Variants in STK32B observed in about 807,000 individuals in gnomAD.
The protein encoded by STK32B is serine/threonine kinase 32B.
STK32B carries 43 observed loss-of-function variants against 52.6 expected under a neutral mutation model. That is an observed-to-expected ratio of 0.82 (90% CI 0.64 to 1.05). STK32B has a LOEUF of 1.05. STK32B is among the 50% of genes least tolerant of loss of function. STK32B has a pLI of 0.00. For missense variants in STK32B, 621 were observed against 534.6 expected, an observed-to-expected ratio of 1.16 and a Z score of -1.59; for synonymous variants, 238 against 204.3, an observed-to-expected ratio of 1.17 and a Z score of -1.41.
chr4:5,168,043 T>G (rs866963248), intron 2 of STK32B, among the ~76,000 whole-genome samples: 4 of 152,168 alleles, frequency 2.6e-5, no homozygotes, highest in African/African-American at 9.6e-5. Flanking sequence ...ATCTTCTGTG[T>G]TTGCATCTCC....
At position 5,159,709 on chromosome 4, in the gene STK32B, ATATATATGAATG is replaced by A. The variant is rs1366121948; in HGVS notation, c.109-8584_109-8573del. 2.7e-3 allele frequency among the ~76,000 whole-genome samples: 268 copies of A among 100,674 alleles called. 38 individuals are homozygous for A. Among genetic ancestry groups the A allele is most frequent in the African/African-American group, 0.016 (244 of 15,594 alleles). The allele number at this position is 100,674 out of a possible 152,430, so 66.0% of individuals were successfully genotyped here. On this transcript the variant is annotated intron_variant, in intron 2 of 11. Coordinates refer to ENST00000282908, the MANE Select transcript of STK32B (RefSeq NM_018401.3). Reference sequence around the variant, plus strand: ...TGAATATATATGAATATATATGAATATATATATGAATGTATATGAATATATATATGAATATAT... The same window carrying A: ...TGAATATATATGAATATATATGAATATATATGAATATATATATGAATATAT...
chr4:5,275,527 G>T (rs111535077), intron 3 of STK32B, among the ~76,000 whole-genome samples: 65 of 152,114 alleles, frequency 4.3e-4, no homozygotes, highest in African/African-American at 1.5e-3. Flanking sequence ...ATCGTTTCCC[G>T]TCTTCACCAT....
intron 4 of STK32B, among the ~76,000 whole-genome samples, chr4:5,385,676 C>T (rs16837079): frequency 0.046 from 7,062 of 152,148 alleles, 443 homozygotes; most frequent in Admixed American, 0.18. Context: ...ATCTCCAGGT[C>T]GTTTGTTGCA....
intron 3 of STK32B, among the ~76,000 whole-genome samples, chr4:5,188,948 C>T (rs1720963082): frequency 1.3e-5 from 2 of 151,638 alleles, no homozygotes; most frequent in African/African-American, 4.9e-5. Context: ...ACCAACATGG[C>T]ACATGTATAC....
At position 5,470,111 on chromosome 4, in the gene STK32B, T is replaced by C. The variant is rs528133536; in HGVS notation, c.1106+2041T>C. Among the ~76,000 whole-genome samples the C allele has an allele frequency of 1.3e-5, 2 of 152,332 alleles. No homozygotes were observed. The highest frequency in any genetic ancestry group is 2.1e-4 in the South Asian group (1 of 4,826). ...CAGAACATGCTTCAATTTGGATTCT[T>C]CCTTTTAAAAGGAAGTGAGAATGAG... On this transcript the variant is annotated intron_variant, in intron 11 of 11. Transcript: ENST00000282908. This position sits in a 1 kb window ranked among gnomAD's most constrained non-coding sequence, Gnocchi z 4.6.
chr4:5,125,088 C>T (rs1212244325), intron 1 of STK32B, among the ~76,000 whole-genome samples: 3 of 152,132 alleles, frequency 2.0e-5, no homozygotes, highest in African/African-American at 7.2e-5. Context: ...TCACAACCAG[C>T]AAAGACACAG....
intron 8 of STK32B, among the ~76,000 whole-genome samples, chr4:5,459,283 C>G (rs1367542247): frequency 1.5e-3 from 18 of 12,174 alleles, no homozygotes; most frequent in South Asian, 0.011. Flanking sequence ...CCCTGGTGTG[C>G]CCCCCCCCCC....
At chr4:5,341,856 T>A (rs1733103693) in intron 4 of STK32B, among the ~76,000 whole-genome samples, 1 of 152,132 alleles carries the variant, frequency 6.6e-6, no homozygotes, top group African/African-American at 2.4e-5. Context: ...ACACTTTTTT[T>A]TAAAAATACT....
At chr4:5,481,947 T>A (rs1268270594) in intron 11 of STK32B, among the ~76,000 whole-genome samples, 2 of 152,204 alleles carry the variant, frequency 1.3e-5, no homozygotes, top group South Asian at 4.1e-4. Context: ...GGTCTGTATC[T>A]CTGTTTTGGT....
At chr4:5,322,743 GT>G (rs1171232303) in intron 3 of STK32B, among the ~76,000 whole-genome samples, 1 of 152,164 alleles carries the variant, frequency 6.6e-6, no homozygotes, top group Non-Finnish European at 1.5e-5. Context: ...ATGCTACACT[GT>G]TTGCCAGGCC....
At chr4:5,254,111 A>G (rs564027323) in intron 3 of STK32B, among the ~76,000 whole-genome samples, 14 of 152,302 alleles carry the variant, frequency 9.2e-5, no homozygotes, top group African/African-American at 2.9e-4. Context: ...ATAAAGGACT[A>G]CTGAGATATT....
At chr4:5,409,601 A>G (rs1484524731) in intron 5 of STK32B, among the ~76,000 whole-genome samples, 1 of 152,164 alleles carries the variant, frequency 6.6e-6, no homozygotes, top group African/African-American at 2.4e-5. Flanking sequence ...CTTTCCATGC[A>G]GCATCAGCTC....
chr4:5,132,524 T>C (rs987008344), intron 1 of STK32B, among the ~76,000 whole-genome samples: 2 of 152,078 alleles, frequency 1.3e-5, no homozygotes, highest in African/African-American at 4.8e-5. Flanking sequence ...TGAGAGAAGA[T>C]GTGACAACCA....
intron 3 of STK32B, among the ~76,000 whole-genome samples, chr4:5,186,542 A>G (rs1046677120): frequency 2.0e-5 from 3 of 152,026 alleles, no homozygotes; most frequent in Admixed American, 6.6e-5. Flanking sequence ...TCCATCTGGG[A>G]TGGTTATCGT....
chr4:5,446,088 T>C (rs1715391627), intron 6 of STK32B, among the ~76,000 whole-genome samples: 2 of 152,218 alleles, frequency 1.3e-5, no homozygotes, highest in African/African-American at 4.8e-5. Context: ...GGGGCATGTC[T>C]TCCCTTTCGC....
intron 3 of STK32B, among the ~76,000 whole-genome samples, chr4:5,325,853 A>T (rs370065968): frequency 6.6e-6 from 1 of 152,342 alleles, no homozygotes; most frequent in African/African-American, 2.4e-5. Flanking sequence ...TAATACAAGA[A>T]GCAAAAGGGA....
intron 3 of STK32B, among the ~76,000 whole-genome samples, chr4:5,321,998 A>G (rs11736142): frequency 0.23 from 32,531 of 142,778 alleles, 5,384 homozygotes; most frequent in African/African-American, 0.46. Context: ...TTGTGCCTCA[A>G]GTCAAATTAA....
chr4:5,494,782 A>T (rs1287878828), intron 11 of STK32B, among the ~76,000 whole-genome samples: 1 of 151,714 alleles, frequency 6.6e-6, no homozygotes, highest in African/African-American at 2.4e-5. Flanking sequence ...TGGTGACAAA[A>T]TCTCTCAGCG....
chr4:5,316,891 T>A (rs867430724), intron 3 of STK32B, among the ~76,000 whole-genome samples: 4 of 7,034 alleles, frequency 5.7e-4, no homozygotes, highest in Non-Finnish European at 7.9e-4. Context: ...ATTATATATA[T>A]TATATATAAT....
Sources: allele counts gnomAD v4.1 joint callset (sites outside exome capture counted in the v4.1 genomes callset), GRCh38; gene constraint gnomAD v4.1.1; non-coding constraint Gnocchi (gnomAD v3.1); transcripts MANE v1.5; gene names NCBI Gene and HGNC (gene_info 2026-07-23, HGNC 2026-07-21).